Variants in CPE observed in about 807,000 individuals in gnomAD.
The protein encoded by CPE is carboxypeptidase E, also known as carbocypeptidase E.
A neutral mutation model predicts 53.5 loss-of-function variants in CPE; 17 were observed. The ratio of observed to expected loss-of-function variants is 0.32; its 90% CI spans 0.22 to 0.48. CPE has a LOEUF of 0.48. CPE is among the 20% of genes least tolerant of loss of function. The probability of loss-of-function intolerance (pLI) is 0.99; values close to 1 mark genes in which losing one functional copy is unlikely to be tolerated. For missense variants in CPE, 524 were observed against 614.7 expected (o/e 0.85, Z 1.56); for synonymous variants, 226 against 228.8 (o/e 0.99, Z 0.11).
intron 1 of CPE, among the ~76,000 whole-genome samples, chr4:165,443,104 A>G (rs1289446090): frequency 6.6e-6 from 1 of 152,180 alleles, no homozygotes; most frequent in East Asian, 1.9e-4. Flanking sequence ...AAACACGGGC[A>G]TCTCTTGGGG....
intron 1 of CPE, among the ~76,000 whole-genome samples, chr4:165,428,800 A>T (rs1336895302): frequency 1.3e-5 from 2 of 152,278 alleles, no homozygotes; most frequent in African/African-American, 4.8e-5. Flanking sequence ...CTGTGCTTGT[A>T]ATCTCCCTCT....
chr4:165,379,309 C>A lies in CPE; in HGVS notation c.88C>A (p.Pro30Thr), dbSNP rs949851535. ...GCTCCTGGGCGCCGAAGCCCAGGAG[C>A]CCGGGGCGCCCGCGGCGGGCATGAG... ...GWLLGAEAQE[P>T]GAPAAGMRRR... Residue 30 changes from proline (P) to threonine (T), a missense_variant, in exon 1 of 9, where the codon CCC becomes ACC. Transcript: ENST00000402744. The surrounding 1 kb of genome is among the most constrained non-coding windows in gnomAD (Gnocchi z 6.0). The A allele has an allele frequency of 1.9e-6, 3 of 1,548,696 alleles. No homozygotes were observed. Among genetic ancestry groups the A allele is most frequent in the African/African-American group, 2.7e-5 (2 of 73,672 alleles).
intron 1 of CPE, among the ~76,000 whole-genome samples, chr4:165,458,962 A>C (rs1200015333): frequency 1.3e-5 from 2 of 152,234 alleles, no homozygotes; most frequent in Admixed American, 6.5e-5. Flanking sequence ...CCCTACTGAC[A>C]TGTGGACTTC....
chr4:165,461,485 G>T (rs1732005543), intron 1 of CPE, among the ~76,000 whole-genome samples: 1 of 152,078 alleles, frequency 6.6e-6, no homozygotes, highest in African/African-American at 2.4e-5. Context: ...GGGTTCTTTG[G>T]TGGAGGTGAC....
Position 165,495,694 on chromosome 4 carries a change from A to G in CPE, c.1332+17A>G, listed in dbSNP as rs1316067021. 1 of 1,473,786 alleles carries G rather than the reference A, an allele frequency of 6.8e-7. No homozygotes were observed. Among genetic ancestry groups the G allele is most frequent in the Non-Finnish European group, 9.4e-7 (1 of 1,059,864 alleles). 91.3% of individuals were successfully genotyped at this position (1,473,786 alleles called of 1,614,324 possible). A position where few individuals can be genotyped will look rare whatever the true frequency, so the allele number is the denominator to read the frequency against. On this transcript the variant is annotated intron_variant, in intron 8 of 8. Coordinates refer to ENST00000402744, the MANE Select transcript of CPE (RefSeq NM_001873.4). ...GCTGCTGGGGTAAGTAATCATAATA[A>G]TAGCCAAACGCTATAATAATAATTA...
In CPE at chr4:165,419,644, G is replaced by C. The variant is rs79144574; in HGVS notation, c.307+40116G>C. Reference sequence around the variant, plus strand: ...AGAGTCAGGATTTGAACTCAATTCCGTGTCTTTCAATGGCAGAAGGGGTTT... The same window carrying C: ...AGAGTCAGGATTTGAACTCAATTCCCTGTCTTTCAATGGCAGAAGGGGTTT... On this transcript the variant is annotated intron_variant, in intron 1 of 8. Transcript: ENST00000402744. 1.6e-3 allele frequency among the ~76,000 whole-genome samples: 245 copies of C among 152,234 alleles called. 1 individual carries two copies. The highest frequency in any genetic ancestry group is 5.7e-3 in the African/African-American group (236 of 41,552).
At chr4:165,417,995 G>T (rs534819306) in intron 1 of CPE, among the ~76,000 whole-genome samples, 5 of 152,060 alleles carry the variant, frequency 3.3e-5, no homozygotes, top group Non-Finnish European at 7.4e-5. Context: ...AATTCATGTC[G>T]TACTCTTGGA....
intron 2 of CPE, among the ~76,000 whole-genome samples, chr4:165,465,250 T>C (rs1732076563): frequency 6.6e-6 from 1 of 152,114 alleles, no homozygotes; most frequent in Non-Finnish European, 1.5e-5. Flanking sequence ...ATTTTCTTAG[T>C]CTATGGGAAC....
chr4:165,458,692 C>G (rs1282776789), intron 1 of CPE, among the ~76,000 whole-genome samples: 4 of 152,180 alleles, frequency 2.6e-5, no homozygotes, highest in African/African-American at 9.7e-5. Flanking sequence ...TATTTTCCCT[C>G]TGCTGTTTTC....
chr4:165,467,900 G>A, intron 3 of CPE, 45 bp downstream of exon 3: 3 of 1,588,118 alleles, frequency 1.9e-6, no homozygotes, highest in Non-Finnish European at 2.6e-6. Context: ...TCTAGCCTAA[G>A]GAAATATGTT....
intron 1 of CPE, among the ~76,000 whole-genome samples, chr4:165,459,655 G>A (rs1380112855): frequency 7.4e-6 from 1 of 134,372 alleles, no homozygotes; most frequent in Non-Finnish European, 1.6e-5. Context: ...TGTAATCCCA[G>A]CACTTTGGGA....
chr4:165,381,568 A>C (rs1369724982), intron 1 of CPE: 1 of 267,246 alleles, frequency 3.7e-6, no homozygotes, highest in Non-Finnish European at 7.5e-6. Flanking sequence ...AGGAGACTCT[A>C]AGTCTATGGT....
chr4:165,441,705 A>T (rs1407007340), intron 1 of CPE, among the ~76,000 whole-genome samples: 1 of 152,148 alleles, frequency 6.6e-6, no homozygotes, highest in East Asian at 1.9e-4. Flanking sequence ...TTTCATCCTA[A>T]GCAAGATAGA....
At chr4:165,414,567 T>C (rs1302691698) in intron 1 of CPE, among the ~76,000 whole-genome samples, 1 of 135,426 alleles carries the variant, frequency 7.4e-6, no homozygotes, top group Non-Finnish European at 1.6e-5. Flanking sequence ...AGTATTCTCT[T>C]GTAGGCCACT....
At chr4:165,423,346 T>G (rs979079361) in intron 1 of CPE, among the ~76,000 whole-genome samples, 4 of 152,010 alleles carry the variant, frequency 2.6e-5, no homozygotes, top group African/African-American at 9.7e-5. Flanking sequence ...ATTTCATAAA[T>G]AAACTATTTT....
In CPE at chr4:165,379,829, G is replaced by T. The variant is rs1341408998; in HGVS notation, c.307+301G>T. Among the ~76,000 whole-genome samples, 3 of 152,002 alleles carry T rather than the reference G, an allele frequency of 2.0e-5. No homozygotes were observed. Among genetic ancestry groups the T allele is most frequent in the Non-Finnish European group, 4.4e-5 (3 of 67,928 alleles). On this transcript the variant is annotated intron_variant, in intron 1 of 8. Transcript: ENST00000402744. This position sits in a 1 kb window ranked among gnomAD's most constrained non-coding sequence, Gnocchi z 6.0. ...TTGGGAGGCTGGGGTGGCGGGGGAT[G>T]GGGGGGATAGCAATACAGAAAAAAC...
intron 1 of CPE, among the ~76,000 whole-genome samples, chr4:165,449,338 C>T (rs888477512): frequency 2.0e-5 from 3 of 152,160 alleles, no homozygotes; most frequent in Admixed American, 6.5e-5. Context: ...ATAATGTTCA[C>T]GGGTGACACC....
intron 3 of CPE, among the ~76,000 whole-genome samples, chr4:165,474,265 T>G (rs192430677): frequency 6.6e-6 from 1 of 152,308 alleles, no homozygotes; most frequent in East Asian, 1.9e-4. Flanking sequence ...ATAAGGGCAA[T>G]GGGTTCCAAG....
intron 1 of CPE, among the ~76,000 whole-genome samples, chr4:165,423,546 A>G (rs1731263662): frequency 6.6e-6 from 1 of 152,026 alleles, no homozygotes; most frequent in Admixed American, 6.5e-5. Context: ...CAAATTATGT[A>G]ATTAGCTATT....
Sources: allele counts gnomAD v4.1 joint callset (sites outside exome capture counted in the v4.1 genomes callset), GRCh38; gene constraint gnomAD v4.1.1; non-coding constraint Gnocchi (gnomAD v3.1); transcripts MANE v1.5; gene names NCBI Gene and HGNC (gene_info 2026-07-23, HGNC 2026-07-21).